The following PIGU variants were observed in gnomAD, a reference collection of about 807,000 sequenced individuals.
PIGU encodes the protein phosphatidylinositol glycan anchor biosynthesis class U.
In PIGU, 24 loss-of-function variants were observed where a neutral mutation model predicts 49.9. The observed-to-expected ratio is 0.48, with a 90% CI of 0.35 to 0.68. The LOEUF is 0.68. Ranked by LOEUF, PIGU falls within the 30% of genes least tolerant of loss-of-function variation. The pLI is 0.01. For synonymous variants in PIGU, 220 were observed against 205.7 expected (o/e 1.07, Z -0.59); for missense variants, 490 against 532.6 (o/e 0.92, Z 0.79).
intron 7 of PIGU, among the ~76,000 whole-genome samples, chr20:34,614,539 C>T (rs955204580): frequency 1.5e-4 from 22 of 150,174 alleles, no homozygotes; most frequent in Admixed American, 4.0e-4. Context: ...GTGAGACGAT[C>T]GATTGAGCCT....
intron 1 of PIGU, among the ~76,000 whole-genome samples, chr20:34,675,786 G>C (rs1370259506): frequency 6.6e-6 from 1 of 152,084 alleles, no homozygotes; most frequent in South Asian, 2.1e-4. Flanking sequence ...GGCCAAGTGA[G>C]ACTGCTTGAG....
At chr20:34,625,672 C>T (rs1222788318) in intron 6 of PIGU, among the ~76,000 whole-genome samples, 1 of 147,138 alleles carries the variant, frequency 6.8e-6, no homozygotes, top group Admixed American at 6.8e-5. Context: ...GAGATTGCAC[C>T]ACTGCACTCC....
At position 34,592,146 on chromosome 20, in the gene PIGU, G is replaced by A. The variant is rs1338300224; in HGVS notation, c.628-3539C>T. ...GGAGCTTGCAGTGAGCCGAGATCAC[G>A]CCACTGCACTCGAGCCTGGGTGACA... On this transcript the variant is annotated intron_variant, in intron 7 of 11. Coordinates refer to ENST00000217446, the MANE Select transcript of PIGU (RefSeq NM_080476.5). 4.7e-5 allele frequency among the ~76,000 whole-genome samples: 7 copies of A among 149,294 alleles called. No homozygotes were observed. In the East Asian group the frequency reaches 5.9e-4, roughly 13 times the overall value.
At chr20:34,665,737 G>C (rs1568666331) in intron 1 of PIGU, among the ~76,000 whole-genome samples, 2 of 151,962 alleles carry the variant, frequency 1.3e-5, no homozygotes, top group East Asian at 1.9e-4. Context: ...ACTGTGACCT[G>C]GTCTGCAGTG....
chr20:34,617,395 C>T (rs1406567367), intron 6 of PIGU, among the ~76,000 whole-genome samples: 1 of 152,234 alleles, frequency 6.6e-6, no homozygotes, highest in African/African-American at 2.4e-5. Context: ...CCCCCTCTTA[C>T]ATCAGCATGA....
At chr20:34,633,356 T>C (rs7264070) in intron 6 of PIGU, among the ~76,000 whole-genome samples, 2,498 of 152,100 alleles carry the variant, frequency 0.016, 86 homozygotes, top group African/African-American at 0.058. Context: ...CCTAGCTACT[T>C]AGGAGGCTGA....
chr20:34,611,341 C>T (rs181421200), intron 7 of PIGU, among the ~76,000 whole-genome samples: 2 of 151,902 alleles, frequency 1.3e-5, no homozygotes, highest in Admixed American at 1.3e-4. Flanking sequence ...CTACAAGGAA[C>T]TTAAATTTAC....
chr20:34,582,351 C>T (rs1983513179), intron 9 of PIGU, among the ~76,000 whole-genome samples: 2 of 152,166 alleles, frequency 1.3e-5, no homozygotes, highest in South Asian at 4.1e-4. Context: ...CATCCTCTCA[C>T]GTGATCCTCA....
chr20:34,673,096 TAC>T (rs1421010604), intron 1 of PIGU, among the ~76,000 whole-genome samples: 1 of 151,404 alleles, frequency 6.6e-6, no homozygotes, highest in Non-Finnish European at 1.5e-5. Context: ...CTACTAAAAA[TAC>T]AAAAAATTAA....
rs1986635446 is a variant in PIGU, at chr20:34,654,187, G to C, written c.195+2993C>G. ...TGCTTATTAAGAGTCTCTTGGCCGGGCACGGTGGCTCACGCCTGTAATCCT... is the reference window on the plus strand; with the variant it reads ...TGCTTATTAAGAGTCTCTTGGCCGGCCACGGTGGCTCACGCCTGTAATCCT... On this transcript the variant is annotated intron_variant, in intron 2 of 11. Coordinates refer to ENST00000217446, the MANE Select transcript of PIGU (RefSeq NM_080476.5). Among the ~76,000 whole-genome samples, 2 of 95,676 alleles carry C rather than the reference G, an allele frequency of 2.1e-5. 1 individual carries two copies. Among genetic ancestry groups the C allele is most frequent in the Admixed American group, 2.6e-4 (2 of 7,796 alleles). The allele number at this position is 95,676 out of a possible 152,430, so 62.8% of individuals were successfully genotyped here. A position where few individuals can be genotyped will look rare whatever the true frequency, so the allele number is the denominator to read the frequency against.
At chr20:34,650,896 T>C (rs1480584957) in intron 2 of PIGU, among the ~76,000 whole-genome samples, 1 of 151,466 alleles carries the variant, frequency 6.6e-6, no homozygotes, top group Non-Finnish European at 1.5e-5. Flanking sequence ...GTATTTTTAG[T>C]AGAGACAGCG....
chr20:34,625,392 A>AAC (rs1985437447), intron 6 of PIGU, among the ~76,000 whole-genome samples: 2 of 146,518 alleles, frequency 1.4e-5, no homozygotes, highest in African/African-American at 2.5e-5. Context: ...ACAAAAAAAA[A>AAC]AAAACTACAT....
intron 6 of PIGU, among the ~76,000 whole-genome samples, chr20:34,620,809 C>A (rs7269969): frequency 8.9e-4 from 114 of 127,724 alleles, no homozygotes; most frequent in South Asian, 2.4e-3. Context: ...TAAAAAAAAA[C>A]AAAAAAAAAA....
intron 1 of PIGU, among the ~76,000 whole-genome samples, chr20:34,668,652 C>T (rs1987195190): frequency 6.7e-6 from 1 of 150,262 alleles, no homozygotes; most frequent in Non-Finnish European, 1.5e-5. Flanking sequence ...ACCTGTAGTC[C>T]CAGCTACTCG....
intron 11 of PIGU, 118 bp from the exon 12 acceptor site, chr20:34,561,097 C>T (rs904213083): frequency 1.1e-5 from 8 of 698,630 alleles, no homozygotes; most frequent in Non-Finnish European, 1.9e-5. Context: ...CTCTGGATCA[C>T]AATCACTGGA....
chr20:34,578,364 A>G (rs1053308275), intron 10 of PIGU, among the ~76,000 whole-genome samples: 9 of 152,242 alleles, frequency 5.9e-5, no homozygotes, highest in African/African-American at 2.2e-4. Context: ...TACCTCAAGA[A>G]GGAGAACAAA....
chr20:34,652,059 G>T (rs1005306642), intron 2 of PIGU, among the ~76,000 whole-genome samples: 1 of 152,146 alleles, frequency 6.6e-6, no homozygotes. Flanking sequence ...GGGTGCAGAG[G>T]TATAATCATG....
intron 8 of PIGU, 79 bp from the exon 9 acceptor site, chr20:34,585,659 A>C: frequency 6.6e-7 from 1 of 1,515,006 alleles, no homozygotes; most frequent in South Asian, 1.2e-5. Flanking sequence ...TCTCCTGAAG[A>C]CTTTGGTCAC....
chr20:34,651,647 GTT>G (rs1986544637), intron 2 of PIGU, among the ~76,000 whole-genome samples: 1 of 152,094 alleles, frequency 6.6e-6, no homozygotes. Context: ...GCATGACCTG[GTT>G]TTAGCGAGCC....
Sources: allele counts gnomAD v4.1 joint callset (sites outside exome capture counted in the v4.1 genomes callset), GRCh38; gene constraint gnomAD v4.1.1; transcripts MANE v1.5; gene names NCBI Gene and HGNC (gene_info 2026-07-23, HGNC 2026-07-21).